The following BTRC variants were observed in gnomAD, a reference collection of about 807,000 sequenced individuals.
BTRC encodes beta-transducin repeat containing E3 ubiquitin protein ligase.
Under a neutral mutation model 85.5 loss-of-function variants are expected in BTRC, and 42 were observed. The observed-to-expected ratio is 0.49, with a 90% CI of 0.38 to 0.64. The LOEUF (loss-of-function observed/expected upper bound fraction) is 0.64, where lower values mean the gene tolerates loss of function less well. Among genes scored for constraint, BTRC ranks in the 30% least tolerant of loss-of-function variants. The probability of loss-of-function intolerance (pLI) is 0.00; values close to 1 mark genes in which losing one functional copy is unlikely to be tolerated. For missense variants in BTRC, 594 were observed against 743.5 expected (o/e 0.80, Z 2.34); for synonymous variants, 255 against 263.3 (o/e 0.97, Z 0.30).
Position 101,534,646 on chromosome 10 carries a change from A to G in BTRC, c.1098-15A>G, listed in dbSNP as rs1489301005. ...GTAGCTTGAGTACCATCTAAATCTC[A>G]TCTATCACTTCCAGAGTGTGGGATG... On this transcript the variant is annotated splice_polypyrimidine_tract_variant and intron_variant, in intron 9 of 14. Coordinates refer to ENST00000370187, the MANE Select transcript of BTRC (RefSeq NM_033637.4). 1 of 1,613,726 alleles carries G rather than the reference A, an allele frequency of 6.2e-7. No individual in the cohort carries two copies. The highest frequency in any genetic ancestry group is 1.1e-5 in the South Asian group (1 of 91,076).
chr10:101,509,903 C>T (rs1184184268), intron 4 of BTRC, among the ~76,000 whole-genome samples: 2 of 151,742 alleles, frequency 1.3e-5, no homozygotes, highest in Non-Finnish European at 2.9e-5. Context: ...TGCGATGGCT[C>T]ATGCCTGTAA....
chr10:101,519,139 C>T (rs536914803), intron 4 of BTRC, among the ~76,000 whole-genome samples: 5 of 139,802 alleles, frequency 3.6e-5, no homozygotes, highest in Admixed American at 1.6e-4. Context: ...AGTGCAATGG[C>T]GTGATCTCTC....
chr10:101,362,928 G>A (rs1043258377), intron 1 of BTRC, among the ~76,000 whole-genome samples: 9 of 152,310 alleles, frequency 5.9e-5, no homozygotes, highest in Non-Finnish European at 2.9e-5. Context: ...ATGTAATCTA[G>A]AGATGATTTG....
chr10:101,401,067 C>T (rs560831333), intron 1 of BTRC, among the ~76,000 whole-genome samples: 1 of 152,272 alleles, frequency 6.6e-6, no homozygotes, highest in South Asian at 2.1e-4. Context: ...ATATTTAATA[C>T]AATAAATTCT....
At chr10:101,409,274 C>T (rs1943711924) in intron 1 of BTRC, among the ~76,000 whole-genome samples, 1 of 152,174 alleles carries the variant, frequency 6.6e-6, no homozygotes, top group Non-Finnish European at 1.5e-5. Context: ...CTGCATTCTG[C>T]CCATATGAAT....
At chr10:101,423,468 T>TA (rs1944163507) in intron 1 of BTRC, among the ~76,000 whole-genome samples, 2 of 152,216 alleles carry the variant, frequency 1.3e-5, no homozygotes, top group East Asian at 3.8e-4. Context: ...TACCTAAACT[T>TA]ATAGTAGCTG....
At chr10:101,423,295 A>G (rs772778421) in intron 1 of BTRC, among the ~76,000 whole-genome samples, 4 of 152,176 alleles carry the variant, frequency 2.6e-5, no homozygotes, top group African/African-American at 7.2e-5. Context: ...TTCATTGCCA[A>G]ACAATGAATT....
At chr10:101,510,052 G>A (rs761472691) in intron 4 of BTRC, among the ~76,000 whole-genome samples, 42 of 151,980 alleles carry the variant, frequency 2.8e-4, no homozygotes, top group Middle Eastern at 3.4e-3. Context: ...TGTAATCCCA[G>A]CTACCTGGGA....
At chr10:101,407,310 T>C (rs1432940609) in intron 1 of BTRC, among the ~76,000 whole-genome samples, 1 of 152,190 alleles carries the variant, frequency 6.6e-6, no homozygotes, top group African/African-American at 2.4e-5. Context: ...ATCATACCAC[T>C]GCACTCCATC....
At position 101,474,359 on chromosome 10, in the gene BTRC, G is replaced by A. The variant is rs112504877; in HGVS notation, c.235-5009G>A. Among the ~76,000 whole-genome samples, 194 of 152,226 alleles carry A rather than the reference G, an allele frequency of 1.3e-3. 3 individuals carry two copies. The highest frequency in any genetic ancestry group is 4.1e-3 in the African/African-American group (170 of 41,524). ...ACATACTCTTGAATCTAAACTCATG[G>A]TCTCTTTGAATTTTTAATGGAAAGC... On this transcript the variant is annotated intron_variant, in intron 3 of 14. Transcript: ENST00000370187.
chr10:101,367,270 A>G (rs1222749898), intron 1 of BTRC, among the ~76,000 whole-genome samples: 3 of 150,222 alleles, frequency 2.0e-5, no homozygotes, highest in East Asian at 2.0e-4. Flanking sequence ...AGGTTTCGCC[A>G]TGTTGGCCAG....
chr10:101,429,323 C>T (rs1267849054), intron 1 of BTRC, among the ~76,000 whole-genome samples: 1 of 152,036 alleles, frequency 6.6e-6, no homozygotes, highest in Non-Finnish European at 1.5e-5. Context: ...GCTGTAGCTG[C>T]AATAATACTA....
intron 13 of BTRC, among the ~76,000 whole-genome samples, chr10:101,542,221 T>C (rs562442286): frequency 6.6e-6 from 1 of 152,308 alleles, no homozygotes; most frequent in Admixed American, 6.5e-5. Context: ...TATTCCCTTA[T>C]TATCCTTTTA....
chr10:101,522,352 T>TAAAAA (rs34282047), intron 5 of BTRC, among the ~76,000 whole-genome samples: 63 of 42,068 alleles, frequency 1.5e-3, no homozygotes, highest in Non-Finnish European at 2.5e-3. Context: ...TATAAAGCTT[T>TAAAAA]AAAAAAAAAA....
chr10:101,509,712 A>G (rs926414663), intron 4 of BTRC, among the ~76,000 whole-genome samples: 21 of 131,160 alleles, frequency 1.6e-4, no homozygotes, highest in Admixed American at 8.4e-4. Context: ...ACCACCACAC[A>G]CAGCTAATTT....
At chr10:101,540,650 G>A (rs1043138780) in intron 13 of BTRC, among the ~76,000 whole-genome samples, 8 of 152,106 alleles carry the variant, frequency 5.3e-5, no homozygotes, top group Admixed American at 3.3e-4. Context: ...AGTCTGCTGG[G>A]AATGTTTTTT....
intron 4 of BTRC, among the ~76,000 whole-genome samples, chr10:101,496,356 T>A (rs1946260207): frequency 6.6e-6 from 1 of 152,148 alleles, no homozygotes; most frequent in South Asian, 2.1e-4. Context: ...GTTGTCTACC[T>A]TTTTCATTGT....
intron 4 of BTRC, among the ~76,000 whole-genome samples, chr10:101,496,727 AT>A (rs1379147719): frequency 6.6e-6 from 1 of 151,946 alleles, no homozygotes; most frequent in Non-Finnish European, 1.5e-5. Flanking sequence ...TTTTATGTTG[AT>A]TGGCCATTTG....
chr10:101,505,917 A>G (rs1281251943), intron 4 of BTRC, among the ~76,000 whole-genome samples: 2 of 142,614 alleles, frequency 1.4e-5, no homozygotes, highest in Admixed American at 7.0e-5. Flanking sequence ...CAGTTTTCCA[A>G]TTTTTTTTTT....
Sources: gnomAD v4.1 joint callset for allele counts (sites outside exome capture counted in the v4.1 genomes callset) on GRCh38, gnomAD v4.1.1 for gene constraint, MANE v1.5 for transcripts, NCBI Gene and HGNC (gene_info 2026-07-23, HGNC 2026-07-21) for gene names.